Variants in HS6ST3 observed in about 807,000 individuals in gnomAD.
HS6ST3 encodes the protein heparan sulfate 6-O-sulfotransferase 3.
HS6ST3 carries 12 observed loss-of-function variants against 36.7 expected under a neutral mutation model. That is an observed-to-expected ratio of 0.33 (90% confidence interval 0.21 to 0.53). The LOEUF (loss-of-function observed/expected upper bound fraction) is 0.53. Among genes scored for constraint, HS6ST3 ranks in the 20% least tolerant of loss-of-function variants. The probability of loss-of-function intolerance (pLI) is 0.95; values close to 1 mark genes in which losing one functional copy is unlikely to be tolerated. For missense variants in HS6ST3, 584 were observed against 640.9 expected, an observed-to-expected ratio of 0.91 and a Z score of 0.96; for synonymous variants, 240 against 257.5, an observed-to-expected ratio of 0.93 and a Z score of 0.65.
rs76267433 is a variant in HS6ST3, at chr13:96,124,879, C to A, written c.707+33310C>A. On this transcript the variant is annotated intron_variant, in intron 1 of 1. Transcript: ENST00000376705. ...AAGGTATGGTATGCTACCAATGATA[C>A]GCCACCCCTGAATATAGACTGATAG... is the stretch of plus-strand genomic sequence containing the variant. Among the ~76,000 whole-genome samples, 20 of 152,220 alleles carry A rather than the reference C, an allele frequency of 1.3e-4. 1 individual carries two copies. In the East Asian group the frequency reaches 3.9e-3, roughly 29 times the overall value.
At chr13:96,727,735 A>G (rs564014471) in intron 1 of HS6ST3, among the ~76,000 whole-genome samples, 299 of 152,250 alleles carry the variant, frequency 2.0e-3, no homozygotes, top group Middle Eastern at 0.01. Flanking sequence ...GTTCCATTCA[A>G]TCACAGTCAA....
chr13:96,582,230 T>C (rs2056344570), intron 1 of HS6ST3, among the ~76,000 whole-genome samples: 1 of 152,090 alleles, frequency 6.6e-6, no homozygotes, highest in Admixed American at 6.5e-5. Flanking sequence ...CTGCACAATC[T>C]TGAGAACCAC....
chr13:96,415,701 A>G (rs924688580), intron 1 of HS6ST3, among the ~76,000 whole-genome samples: 2 of 152,192 alleles, frequency 1.3e-5, no homozygotes, highest in Admixed American at 6.5e-5. Flanking sequence ...AAAGGGAGAC[A>G]TGTTTCATTT....
chr13:96,734,378 C>T lies in HS6ST3; in HGVS notation c.708-98112C>T, dbSNP rs372430484. On this transcript the variant is annotated intron_variant, in intron 1 of 1. Coordinates refer to ENST00000376705, the MANE Select transcript of HS6ST3 (RefSeq NM_153456.4). Reference sequence around the variant, plus strand: ...TGTCTAGCAGTGAGGTATGGTGAAACTATGATTTCTCTTACATTAGTCCCA... The same window carrying T: ...TGTCTAGCAGTGAGGTATGGTGAAATTATGATTTCTCTTACATTAGTCCCA... Among the ~76,000 whole-genome samples, 10 of 152,352 alleles carry T rather than the reference C, an allele frequency of 6.6e-5. No homozygotes were observed. In the East Asian group the frequency reaches 1.5e-3, roughly 24 times the overall value.
chr13:96,682,097 AT>A, intron 1 of HS6ST3, among the ~76,000 whole-genome samples: 1 of 152,168 alleles, frequency 6.6e-6, no homozygotes, highest in South Asian at 2.1e-4. Context: ...ATAAAACACA[AT>A]TCATAAACTT....
intron 1 of HS6ST3, among the ~76,000 whole-genome samples, chr13:96,647,957 A>G (rs914714992): frequency 1.3e-5 from 2 of 151,972 alleles, no homozygotes; most frequent in African/African-American, 4.8e-5. Context: ...TTTTCTTTTT[A>G]TTATATATCC....
At chr13:96,576,880 G>T (rs1461464179) in intron 1 of HS6ST3, among the ~76,000 whole-genome samples, 1 of 136,796 alleles carries the variant, frequency 7.3e-6, no homozygotes, top group Admixed American at 8.3e-5. Context: ...GGAGGCAAAG[G>T]TTGCAGTGAG....
chr13:96,377,353 AAAC>A (rs955117924), intron 1 of HS6ST3, among the ~76,000 whole-genome samples: 13 of 151,766 alleles, frequency 8.6e-5, no homozygotes, highest in East Asian at 1.9e-4. Flanking sequence ...ACCCTGTCTC[AAAC>A]AACAACAACA....
chr13:96,669,765 AT>A (rs1164709441), intron 1 of HS6ST3, among the ~76,000 whole-genome samples: 1 of 152,168 alleles, frequency 6.6e-6, no homozygotes, highest in East Asian at 1.9e-4. Flanking sequence ...GAACTACGTA[AT>A]AAAGACCCTC....
chr13:96,304,711 C>CTTTCTTT (rs766397124), intron 1 of HS6ST3, among the ~76,000 whole-genome samples: 67 of 89,316 alleles, frequency 7.5e-4, no homozygotes, highest in Non-Finnish European at 1.4e-3. Flanking sequence ...TTCTTTCTTT[C>CTTTCTTT]TTTTTTTTTT....
chr13:96,478,769 ATACAAT>A (rs1161301739), intron 1 of HS6ST3, among the ~76,000 whole-genome samples: 2 of 152,192 alleles, frequency 1.3e-5, no homozygotes, highest in Non-Finnish European at 2.9e-5. Flanking sequence ...AGGGAGATAT[ATACAAT>A]TACTACCATT....
intron 1 of HS6ST3, among the ~76,000 whole-genome samples, chr13:96,185,522 C>T (rs951575060): frequency 1.3e-5 from 2 of 152,232 alleles, no homozygotes; most frequent in African/African-American, 4.8e-5. Flanking sequence ...CACTGTGCCA[C>T]AGCTGAGGGC....
chr13:96,217,196 C>T lies in HS6ST3; in HGVS notation c.707+125627C>T, dbSNP rs80022835. ...GAACGTCATATCTATTCTGAAAAGC[C>T]GGGGGTCTGACAGTAGCATTTATTG... On this transcript the variant is annotated intron_variant, in intron 1 of 1. Transcript: ENST00000376705. Among the ~76,000 whole-genome samples the T allele has an allele frequency of 5.3e-5, 8 of 152,104 alleles. No individual in the cohort carries two copies. In the East Asian group the frequency reaches 9.6e-4, roughly 18 times the overall value.
intron 1 of HS6ST3, among the ~76,000 whole-genome samples, chr13:96,272,667 C>T (rs1462792326): frequency 6.6e-6 from 1 of 151,864 alleles, no homozygotes. Context: ...TTGCATTGTG[C>T]TTATTTAATT....
At chr13:96,799,962 A>ATATATATATATGTATATATATATATG (rs1566456775) in intron 1 of HS6ST3, among the ~76,000 whole-genome samples, 1 of 69,292 alleles carries the variant, frequency 1.4e-5, no homozygotes, top group East Asian at 4.7e-4. Flanking sequence ...ATATATATAT[A>ATATATATATATGTATATATATATATG]TGTGTATATA....
intron 1 of HS6ST3, among the ~76,000 whole-genome samples, chr13:96,175,159 A>G (rs778546037): frequency 4.6e-5 from 7 of 152,024 alleles, no homozygotes; most frequent in Non-Finnish European, 8.8e-5. Flanking sequence ...TAATTTTCTC[A>G]TAAGATACAT....
At position 96,326,160 on chromosome 13, in the gene HS6ST3, AT is replaced by A. The variant is rs2055029832; in HGVS notation, c.707+234597del. On this transcript the variant is annotated intron_variant, in intron 1 of 1. Coordinates refer to ENST00000376705, the MANE Select transcript of HS6ST3 (RefSeq NM_153456.4). ...ATAATTTGAAACATCTGATATATTC[AT>A]TTTTTCTTTTTTTTTTTAATTTTTT... 5.2e-5 allele frequency among the ~76,000 whole-genome samples: 5 copies of A among 96,702 alleles called. No individual in the cohort carries two copies. The South Asian group carries it at 1.9e-3, about 37-fold the overall frequency. 63.4% of individuals were successfully genotyped at this position (96,702 alleles called of 152,430 possible).
chr13:96,175,636 A>T (rs1594704627), intron 1 of HS6ST3, among the ~76,000 whole-genome samples: 1 of 137,926 alleles, frequency 7.3e-6, no homozygotes, highest in Non-Finnish European at 1.6e-5. Context: ...TTTGTGTATT[A>T]TTTTATGTTT....
intron 1 of HS6ST3, among the ~76,000 whole-genome samples, chr13:96,808,641 C>T (rs1487044827): frequency 1.3e-5 from 2 of 152,040 alleles, no homozygotes; most frequent in Non-Finnish European, 2.9e-5. Context: ...CTCTTCTGAC[C>T]GATCCAGCAC....
Sources: allele counts gnomAD v4.1 joint callset (sites outside exome capture counted in the v4.1 genomes callset), GRCh38; gene constraint gnomAD v4.1.1; transcripts MANE v1.5; gene names NCBI Gene and HGNC (gene_info 2026-07-23, HGNC 2026-07-21).